The following FOLH1 variants were observed in gnomAD, a reference collection of about 807,000 sequenced individuals.
FOLH1 encodes the protein glutamate carboxypeptidase 2.
FOLH1 carries 54 observed loss-of-function variants against 93.9 expected under a neutral mutation model. The ratio of observed to expected loss-of-function variants is 0.57; its 90% confidence interval spans 0.46 to 0.72. The LOEUF is 0.72. FOLH1 is among the 30% of genes least tolerant of loss of function. The probability of loss-of-function intolerance (pLI) is 0.00; values close to 1 mark genes in which losing one functional copy is unlikely to be tolerated. For missense variants in FOLH1, 571 were observed against 892.5 expected (o/e 0.64, Z 4.59); for synonymous variants, 249 against 303.6 (o/e 0.82, Z 1.87).
chr11:49,166,425 TTTAC>T (rs1211597517), intron 12 of FOLH1, among the ~76,000 whole-genome samples: 1 of 152,332 alleles, frequency 6.6e-6, no homozygotes, highest in East Asian at 1.9e-4. Context: ...AATAAAAATA[TTTAC>T]TTACTTATCT....
In FOLH1 at chr11:49,185,831, C is replaced by A; in HGVS notation, c.664G>T (p.Ala222Ser). 1 of 1,558,464 alleles carries A rather than the reference C, an allele frequency of 6.4e-7. No individual in the cohort carries two copies. Among genetic ancestry groups the A allele is most frequent in the Non-Finnish European group, 8.6e-7 (1 of 1,157,390 alleles). The change falls in exon 6 of 19, where the codon GCC (alanine) becomes TCC (serine). Residue 222 changes from alanine (A) to serine (S), a missense_variant. Transcript: ENST00000256999. ...TCGGAGTAGAGAATGACTCCTTTGG[C>A]CCCTGCCAGCTGGGCATTTTTAACC... ...NKVKNAQLAG[A>S]KGVILYSDPA...
intron 18 of FOLH1, among the ~76,000 whole-genome samples, chr11:49,148,398 A>G (rs1590393669): frequency 6.6e-6 from 1 of 151,534 alleles, no homozygotes; most frequent in African/African-American, 2.4e-5. Flanking sequence ...GATCTTCTAT[A>G]TTTTCTAAAA....
At position 49,206,383 on chromosome 11, in the gene FOLH1, A is replaced by G. The variant is rs1863958240; in HGVS notation, c.119-211T>C. ...TTTTAAGTTGCAAACCAATTGCAAA[A>G]TATTTCTTATCCAACTTCAATGATA... On this transcript the variant is annotated intron_variant, in intron 1 of 18. Coordinates refer to ENST00000256999, the MANE Select transcript of FOLH1 (RefSeq NM_004476.3). 6 of 878,150 alleles carry G rather than the reference A, an allele frequency of 6.8e-6. No homozygotes were observed. In the South Asian group the frequency reaches 8.5e-5, roughly 12 times the overall value. The allele number at this position is 878,150 out of a possible 1,614,324, so 54.4% of individuals were successfully genotyped here.
At chr11:49,164,282 C>T (rs978681833) in intron 13 of FOLH1, among the ~76,000 whole-genome samples, 5 of 152,198 alleles carry the variant, frequency 3.3e-5, no homozygotes, top group Admixed American at 6.5e-5. Flanking sequence ...AATATTCTTT[C>T]TCAATCAGTT....
At chr11:49,193,681 A>C (rs73473171) in intron 3 of FOLH1, among the ~76,000 whole-genome samples, 1,966 of 152,290 alleles carry the variant, frequency 0.013, 43 homozygotes, top group African/African-American at 0.045. Context: ...AAAAATAGTA[A>C]GGAATATTCA....
At chr11:49,151,839 T>C (rs1856542752) in intron 17 of FOLH1, among the ~76,000 whole-genome samples, 1 of 152,178 alleles carries the variant, frequency 6.6e-6, no homozygotes, top group African/African-American at 2.4e-5. Context: ...ACCAGTTTTA[T>C]AGGATACATG....
chr11:49,185,565 GAAT>G, intron 6 of FOLH1, 101 bp downstream of exon 6: 1 of 1,367,610 alleles, frequency 7.3e-7, no homozygotes, highest in Non-Finnish European at 9.9e-7. Context: ...AATGCAAAGA[GAAT>G]AAAAAAAGAC....
In FOLH1 at chr11:49,145,616, C is replaced by T. The variant is rs1855747954; in HGVS notation, c.*1140G>A. ...TTCTTCAAGGGCAACACTACAGCGA[C>T]TTCTTAACTTTGAGCGAGGCCACAA... On this transcript the variant is annotated 3_prime_UTR_variant, in exon 19 of 19. Coordinates refer to ENST00000256999, the MANE Select transcript of FOLH1 (RefSeq NM_004476.3). Among the ~76,000 whole-genome samples the T allele has an allele frequency of 1.3e-5, 2 of 152,150 alleles. No homozygotes were observed. The highest frequency in any genetic ancestry group is 2.9e-5 in the Non-Finnish European group (2 of 68,028).
At chr11:49,183,045 T>G (rs1231158180) in intron 7 of FOLH1, 104 bp downstream of exon 7, 2 of 944,466 alleles carry the variant, frequency 2.1e-6, no homozygotes, top group Non-Finnish European at 3.2e-6. Context: ...AACACCCATG[T>G]TGGAAAATTT....
intron 2 of FOLH1, among the ~76,000 whole-genome samples, chr11:49,205,204 C>A (rs1221503743): frequency 2.7e-5 from 4 of 147,572 alleles, no homozygotes; most frequent in Non-Finnish European, 6.0e-5. Context: ...AACTCCATCT[C>A]AAAAGAAAAA....
rs186372192 is a variant in FOLH1 at position 49,145,104 on chromosome 11, A to C, written c.*1652T>G. ...AACATTCCAAATATACACCAGCAGA[A>C]ATAAATACATTTTATTATTCACCAG... On this transcript the variant is annotated 3_prime_UTR_variant, in exon 19 of 19. Transcript: ENST00000256999. Among the ~76,000 whole-genome samples the C allele has an allele frequency of 8.0e-4, 122 of 152,316 alleles. No homozygotes were observed. The Middle Eastern group carries it at 0.027, about 34-fold the overall frequency.
At chr11:49,194,268 C>A (rs940234213) in intron 3 of FOLH1, among the ~76,000 whole-genome samples, 1 of 150,618 alleles carries the variant, frequency 6.6e-6, no homozygotes, top group Admixed American at 6.7e-5. Context: ...CATAACCCTA[C>A]AAATTTCCAT....
rs751275631 is a variant in FOLH1, at chr11:49,208,418, G to A, written c.-9C>T. On this transcript the variant is annotated 5_prime_UTR_variant, in exon 1 of 19. Coordinates refer to ENST00000256999, the MANE Select transcript of FOLH1 (RefSeq NM_004476.3). Reference sequence around the variant, plus strand: ...TGAAGGAGATTCCACATCTCGGCGCGAGCAGAGCCGGCCTCCCGGGACCCG... The same window carrying A: ...TGAAGGAGATTCCACATCTCGGCGCAAGCAGAGCCGGCCTCCCGGGACCCG... 2.7e-5 allele frequency: 43 copies of A among 1,581,718 alleles called. 1 individual carries two copies. The Middle Eastern group carries it at 6.7e-4, about 25-fold the overall frequency.
In FOLH1 at chr11:49,173,365, T is replaced by A. The variant is rs757243757; in HGVS notation, c.1217A>T (p.Lys406Ile). The change falls in exon 10 of 19, where the codon AAA (lysine) becomes ATA (isoleucine). Residue 406 changes from lysine (K) to isoleucine (I), a missense_variant. Around this residue, in one of 2 missense-constraint regions of FOLH1, gnomAD observed 500 missense variants for 822.9 expected, o/e 0.61. Coordinates refer to ENST00000256999, the MANE Select transcript of FOLH1 (RefSeq NM_004476.3). The part of the protein sequence containing the change: ...HEIVRSFGTL[K>I]KEGWRPRRTI... Reference sequence around the variant, plus strand: ...CTGTTTGTTTGTATTACCTTCCTTTTTCAGTGTTCCAAAGCTCCTCACAAT... The same window carrying A: ...CTGTTTGTTTGTATTACCTTCCTTTATCAGTGTTCCAAAGCTCCTCACAAT... 1.2e-6 allele frequency: 2 copies of A among 1,609,810 alleles called. No homozygotes were observed. Among genetic ancestry groups the A allele is most frequent in the South Asian group, 2.2e-5 (2 of 90,452 alleles).
chr11:49,162,503 G>A (rs185503194), intron 13 of FOLH1, among the ~76,000 whole-genome samples: 19 of 152,216 alleles, frequency 1.2e-4, no homozygotes, highest in Admixed American at 1.1e-3. Flanking sequence ...GTTTTAACAT[G>A]ATTTTTAGCT....
intron 12 of FOLH1, among the ~76,000 whole-genome samples, chr11:49,165,622 G>C (rs750497657): frequency 3.3e-5 from 5 of 152,124 alleles, no homozygotes; most frequent in South Asian, 2.1e-4. Context: ...GACACAGTTG[G>C]GGGGAAAAAT....
intron 4 of FOLH1, among the ~76,000 whole-genome samples, chr11:49,190,833 G>GT (rs1198992017): frequency 1.3e-5 from 2 of 152,154 alleles, no homozygotes; most frequent in Non-Finnish European, 2.9e-5. Context: ...GTTTTGTTTT[G>GT]TTTTTTGAGA....
chr11:49,204,219 C>T (rs529157392), intron 2 of FOLH1, among the ~76,000 whole-genome samples: 92 of 152,286 alleles, frequency 6.0e-4, no homozygotes, highest in Non-Finnish European at 6.5e-4. Context: ...GGCACTTGGC[C>T]TTCTCTCACC....
intron 6 of FOLH1, among the ~76,000 whole-genome samples, chr11:49,184,290 G>T (rs1431456257): frequency 6.6e-6 from 1 of 151,992 alleles, no homozygotes; most frequent in East Asian, 1.9e-4. Context: ...TTAGAATTAT[G>T]CCATAATAAA....
Sources: allele counts gnomAD v4.1 joint callset (sites outside exome capture counted in the v4.1 genomes callset), GRCh38; gene constraint gnomAD v4.1.1; regional missense constraint gnomAD v4.1.1; transcripts MANE v1.5; gene names NCBI Gene and HGNC (gene_info 2026-07-23, HGNC 2026-07-21).